SGIP1: variants seen among roughly 807,000 people sequenced by gnomAD.
SGIP1 encodes the protein SH3-containing GRB2-like protein 3-interacting protein 1.
Under a neutral mutation model 107.5 loss-of-function variants are expected in SGIP1, and 38 were observed. The observed-to-expected ratio is 0.35, with a 90% CI of 0.27 to 0.46. The LOEUF (loss-of-function observed/expected upper bound fraction) is 0.46, where lower values mean the gene tolerates loss of function less well. Ranked by LOEUF, SGIP1 falls within the 20% of genes least tolerant of loss-of-function variation. The pLI is 1.00. For missense variants in SGIP1, 929 were observed against 1,019.5 expected (o/e 0.91, Z 1.21); for synonymous variants, 365 against 366.1 (o/e 1.00, Z 0.03).
chr1:66,677,609 A>G (rs2085684803), intron 13 of SGIP1, among the ~76,000 whole-genome samples: 1 of 152,178 alleles, frequency 6.6e-6, no homozygotes, highest in Admixed American at 6.5e-5. Flanking sequence ...AATGTATGTG[A>G]AAGTTGCCAT....
At chr1:66,679,784 T>A in intron 14 of SGIP1, 32 bp downstream of exon 14, 1 of 1,559,710 alleles carries the variant, frequency 6.4e-7, no homozygotes, top group South Asian at 1.2e-5. Context: ...TCTGGGATGA[T>A]GTGTCAAACA....
At chr1:66,694,397 G>A (rs754703143) in intron 17 of SGIP1, 3 of 1,547,922 alleles carry the variant, frequency 1.9e-6, no homozygotes, top group Non-Finnish European at 2.6e-6. Context: ...ATTTGTATTT[G>A]TGTTTTTGTT....
chr1:66,609,019 C>CTTATATCCCACAGGGATGAAGGTCAT (rs2067396511), intron 1 of SGIP1, among the ~76,000 whole-genome samples: 1 of 152,202 alleles, frequency 6.6e-6, no homozygotes, highest in African/African-American at 2.4e-5. Flanking sequence ...ATGAAGGTCA[C>CTTATATCCCACAGGGATGAAGGTCAT]TTATATCCCA....
intron 1 of SGIP1, among the ~76,000 whole-genome samples, chr1:66,606,270 G>T (rs1422103092): frequency 6.6e-6 from 1 of 152,168 alleles, no homozygotes; most frequent in African/African-American, 2.4e-5. Flanking sequence ...TTGATTTAAG[G>T]ATTAAACAAG....
At chr1:66,549,387 C>T (rs919163250) in intron 1 of SGIP1, among the ~76,000 whole-genome samples, 2 of 152,104 alleles carry the variant, frequency 1.3e-5, no homozygotes, top group African/African-American at 4.8e-5. Flanking sequence ...GTGACAATGA[C>T]ATTAAAATAA....
Position 66,682,112 on chromosome 1 carries a change from G to C in SGIP1, c.1058G>C (p.Gly353Ala). 1 of 1,613,624 alleles carries C rather than the reference G, an allele frequency of 6.2e-7. No homozygotes were observed. Among genetic ancestry groups the C allele is most frequent in the East Asian group, 2.2e-5 (1 of 44,852 alleles). Residue 353 changes from glycine to alanine, a missense_variant, in exon 15 of 25, where the codon GGC (glycine) becomes GCC (alanine). Transcript: ENST00000371037. ...PADSPAPGPLGPPGPTGPPGP... is the reference protein window; with the variant it reads ...PADSPAPGPLAPPGPTGPPGP... ...GACTCCCCAGCTCCAGGCCCTCTCG[G>C]CCCCCCAGGTCCCACAGGCCCCCCA... is the stretch of plus-strand genomic sequence containing the variant.
intron 7 of SGIP1, chr1:66,660,232 G>GGAGT (rs2081180560): frequency 3.0e-6 from 1 of 336,778 alleles, no homozygotes. Context: ...AAAGAAAGAG[G>GGAGT]GAGGGAGGGA....
chr1:66,694,872 T>C (rs946852959), intron 17 of SGIP1: 13 of 232,324 alleles, frequency 5.6e-5, no homozygotes, highest in African/African-American at 2.9e-4. Context: ...TTCTCTTTGA[T>C]ACATAGGTAA....
In SGIP1 at chr1:66,719,351, C is replaced by A; in HGVS notation, c.1688C>A (p.Ala563Glu). 1.2e-6 allele frequency: 2 copies of A among 1,613,616 alleles called. No individual in the cohort carries two copies. Among genetic ancestry groups the A allele is most frequent in the Non-Finnish European group, 1.7e-6 (2 of 1,179,730 alleles). ...TMGAQDTLPV[A>E]AAFTETVNAY... The stretch of plus-strand genomic sequence containing the variant: ...GGAGCTCAGGACACTCTCCCTGTTG[C>A]AGCAGCATTTACAGAAACAGTCAAT... The change falls in exon 19 of 25, where the codon GCA becomes GAA. Residue 563 changes from alanine (A) to glutamate (E), a missense_variant. By Grantham distance (107) the Ala-to-Glu change is moderately radical (BLOSUM62 -1). Coordinates refer to ENST00000371037, the MANE Select transcript of SGIP1 (RefSeq NM_032291.4).
Position 66,739,465 on chromosome 1 carries a change from A to G in SGIP1, c.2162A>G (p.Asn721Ser). Reference protein sequence around the residue: ...TDAMTTAVALNNVQFLVPIDG... With the variant: ...TDAMTTAVALSNVQFLVPIDG... The stretch of plus-strand genomic sequence containing the variant: ...GCAATGACGACTGCTGTGGCCCTCA[A>G]CAATGTGCAGTTCCTGGTCCCCATC... Residue 721 changes from asparagine to serine, a missense_variant, in exon 22 of 25, where the codon AAC becomes AGC. Physicochemically the swap from Asn to Ser is conservative, Grantham distance 46. This residue lies in a region of SGIP1 where 341 missense variants were observed against 430.9 expected (regional missense o/e 0.79). Coordinates refer to ENST00000371037, the MANE Select transcript of SGIP1 (RefSeq NM_032291.4). The G allele has an allele frequency of 6.2e-7, 1 of 1,614,158 alleles. No homozygotes were observed. The highest frequency in any genetic ancestry group is 8.5e-7 in the Non-Finnish European group (1 of 1,180,032).
intron 1 of SGIP1, among the ~76,000 whole-genome samples, chr1:66,587,860 G>GA (rs1334200802): frequency 1.3e-5 from 2 of 151,942 alleles, no homozygotes; most frequent in East Asian, 1.9e-4. Context: ...AGAAAGAAAG[G>GA]AAAAAACCCT....
intron 19 of SGIP1, among the ~76,000 whole-genome samples, chr1:66,726,698 C>G (rs917714165): frequency 4.6e-5 from 7 of 152,148 alleles, no homozygotes; most frequent in Admixed American, 1.3e-4. Context: ...CACACACACA[C>G]AAAATGAACT....
chr1:66,639,858 TTTA>T (rs762052116), intron 5 of SGIP1, 25 bp downstream of exon 5: 1 of 1,589,408 alleles, frequency 6.3e-7, no homozygotes, highest in Non-Finnish European at 8.6e-7. Flanking sequence ...AGTGTTTCTC[TTTA>T]TTAAGTATTT....
intron 7 of SGIP1, among the ~76,000 whole-genome samples, chr1:66,656,091 T>C (rs528509047): frequency 1.3e-5 from 2 of 152,328 alleles, no homozygotes; most frequent in South Asian, 4.1e-4. Flanking sequence ...TTCTACAAGC[T>C]TTTTTCTATT....
At chr1:66,607,296 T>A (rs1415167767) in intron 1 of SGIP1, among the ~76,000 whole-genome samples, 1 of 152,190 alleles carries the variant, frequency 6.6e-6, no homozygotes, top group South Asian at 2.1e-4. Context: ...GACTTGGAGT[T>A]TTATCACCCA....
chr1:66,638,142 T>G (rs1197583798), intron 4 of SGIP1, among the ~76,000 whole-genome samples: 3 of 152,112 alleles, frequency 2.0e-5, no homozygotes, highest in Non-Finnish European at 2.9e-5. Flanking sequence ...ACATACTTTC[T>G]AAGAAGGAGT....
chr1:66,735,007 T>G (rs1390446834), intron 21 of SGIP1, among the ~76,000 whole-genome samples: 1 of 152,066 alleles, frequency 6.6e-6, no homozygotes, highest in Non-Finnish European at 1.5e-5. Flanking sequence ...AGTATATGGT[T>G]ATTACCTACA....
At chr1:66,690,672 T>C (rs757175057) in intron 17 of SGIP1, 1 of 173,158 alleles carries the variant, frequency 5.8e-6, no homozygotes, top group Non-Finnish European at 1.2e-5. Flanking sequence ...TTTGTTTAAA[T>C]TCCAACCATG....
At chr1:66,696,723 A>C (rs1327725473) in intron 18 of SGIP1, among the ~76,000 whole-genome samples, 1 of 152,210 alleles carries the variant, frequency 6.6e-6, no homozygotes, top group Admixed American at 6.5e-5. Context: ...GTGAATAAGC[A>C]GTCTTCAGGA....
Sources: allele counts gnomAD v4.1 joint callset (sites outside exome capture counted in the v4.1 genomes callset), GRCh38; gene constraint gnomAD v4.1.1; regional missense constraint gnomAD v4.1.1; transcripts MANE v1.5; gene names NCBI Gene and HGNC (gene_info 2026-07-23, HGNC 2026-07-21).